The following NIN variants were observed in gnomAD, a reference collection of about 807,000 sequenced individuals.
NIN encodes glycogen synthase kinase 3 beta-interacting protein.
NIN carries 137 observed loss-of-function variants against 257.6 expected under a neutral mutation model. That is an observed-to-expected ratio of 0.53 (90% CI 0.46 to 0.61). The LOEUF (loss-of-function observed/expected upper bound fraction) is 0.61. Ranked by LOEUF, NIN falls within the 20% of genes least tolerant of loss-of-function variation. The pLI is 0.00. For missense variants in NIN, 2,439 were observed against 2,501.2 expected (o/e 0.98, Z 0.53); for synonymous variants, 918 against 919.8 (o/e 1.00, Z 0.04).
At chr14:50,791,332 G>T (rs2043580923) in intron 5 of NIN, among the ~76,000 whole-genome samples, 1 of 152,162 alleles carries the variant, frequency 6.6e-6, no homozygotes. Context: ...AATTCGCAAA[G>T]AGACCCAAGA....
chr14:50,800,001 TACACATACACACAC>T (rs750431258), intron 4 of NIN, among the ~76,000 whole-genome samples: 4 of 81,332 alleles, frequency 4.9e-5, no homozygotes, highest in Non-Finnish European at 5.2e-5. Context: ...ACAATATATA[TACACATACACACAC>T]ACACACACAC....
intron 5 of NIN, among the ~76,000 whole-genome samples, chr14:50,787,724 C>T (rs1321050735): frequency 2.0e-5 from 3 of 152,222 alleles, no homozygotes; most frequent in Admixed American, 1.3e-4. Flanking sequence ...GTCAAACACT[C>T]ATGGTAGCCT....
rs75599778 is a variant in NIN, at chr14:50,754,114, G to A, written c.4734+449C>T. 3.8e-3 allele frequency among the ~76,000 whole-genome samples: 574 copies of A among 152,298 alleles called. 7 individuals are homozygous for A. The highest frequency in any genetic ancestry group is 0.013 in the African/African-American group (539 of 41,560). On this transcript the variant is annotated intron_variant, in intron 20 of 30. Transcript: ENST00000530997. ...TGTAAGATTATACAAATTGAGCACT[G>A]AATGGCACCAGCTATCTGAATAAAA...
intron 2 of NIN, among the ~76,000 whole-genome samples, chr14:50,828,507 C>T (rs1180356684): frequency 1.3e-5 from 2 of 152,190 alleles, no homozygotes; most frequent in African/African-American, 4.8e-5. Context: ...GATGCAAGTT[C>T]AATAGCTAGA....
In NIN at chr14:50,721,346, T is replaced by A. The variant is rs2040266967; in HGVS notation, c.*2117A>T. 1 of 208,508 alleles carries A rather than the reference T, an allele frequency of 4.8e-6. No homozygotes were observed. The highest frequency in any genetic ancestry group is 9.8e-6 in the Non-Finnish European group (1 of 102,502). 12.9% of individuals were successfully genotyped at this position (208,508 alleles called of 1,614,324 possible). A position where few individuals can be genotyped will look rare whatever the true frequency, so the allele number is the denominator to read the frequency against. On this transcript the variant is annotated 3_prime_UTR_variant, in exon 31 of 31. Coordinates refer to ENST00000530997, the MANE Select transcript of NIN (RefSeq NM_020921.4). ...CACATAAATACAAATTTATAGGAAA[T>A]AAACAAATTAACCTACACCTCTCAT...
intron 2 of NIN, among the ~76,000 whole-genome samples, chr14:50,829,861 C>G (rs2045621219): frequency 6.6e-6 from 1 of 152,186 alleles, no homozygotes; most frequent in African/African-American, 2.4e-5. Context: ...GTCCTTCTGT[C>G]AGGGGCCGCT....
At chr14:50,779,359 A>G (rs2043038467) in intron 5 of NIN, among the ~76,000 whole-genome samples, 1 of 152,250 alleles carries the variant, frequency 6.6e-6, no homozygotes, top group Non-Finnish European at 1.5e-5. Context: ...AAGGAAGTTC[A>G]GGATGCTATG....
At chr14:50,756,038 A>AT (rs2042010941) in intron 18 of NIN, among the ~76,000 whole-genome samples, 1 of 151,792 alleles carries the variant, frequency 6.6e-6, no homozygotes, top group East Asian at 1.9e-4. Context: ...AAGACAGAAC[A>AT]TTTTTTCTAT....
intron 29 of NIN, chr14:50,727,861 TTAACAC>T: frequency 1.1e-6 from 1 of 872,874 alleles, no homozygotes; most frequent in Non-Finnish European, 1.7e-6. Flanking sequence ...AGCACACACA[TTAACAC>T]TACATAGGCA....
At chr14:50,736,656 C>A (rs965284308) in intron 27 of NIN, among the ~76,000 whole-genome samples, 1 of 152,182 alleles carries the variant, frequency 6.6e-6, no homozygotes, top group African/African-American at 2.4e-5. Context: ...AGACTTTTCT[C>A]CCCCTAATGA....
chr14:50,783,158 G>C (rs1327083936), intron 5 of NIN, among the ~76,000 whole-genome samples: 1 of 151,896 alleles, frequency 6.6e-6, no homozygotes, highest in Non-Finnish European at 1.5e-5. Flanking sequence ...ACGCTCAGGT[G>C]ATCCTCCGGC....
chr14:50,819,872 T>C (rs192776195), intron 3 of NIN, among the ~76,000 whole-genome samples: 2 of 152,356 alleles, frequency 1.3e-5, no homozygotes, highest in Admixed American at 6.5e-5. Flanking sequence ...AAACCACTTA[T>C]AATTTTACAA....
At position 50,721,790 on chromosome 14, in the gene NIN, C is replaced by A; in HGVS notation, c.*1673G>T. ...CTTCATCAGTGTGAACTCCCAGTCC[C>A]ACAAAAAACAGTGCCTTGTCAAGGC... is the stretch of plus-strand genomic sequence containing the variant. On this transcript the variant is annotated 3_prime_UTR_variant, in exon 31 of 31. Coordinates refer to ENST00000530997, the MANE Select transcript of NIN (RefSeq NM_020921.4). 4.5e-6 allele frequency: 1 copy of A among 223,722 alleles called. No individual in the cohort carries two copies. The highest frequency in any genetic ancestry group is 8.9e-6 in the Non-Finnish European group (1 of 112,028). 13.9% of individuals were successfully genotyped at this position (223,722 alleles called of 1,614,324 possible). A position where few individuals can be genotyped will look rare whatever the true frequency, so the allele number is the denominator to read the frequency against.
intron 3 of NIN, among the ~76,000 whole-genome samples, chr14:50,809,750 T>C (rs904452062): frequency 2.0e-5 from 3 of 152,242 alleles, no homozygotes; most frequent in Non-Finnish European, 4.4e-5. Context: ...TTAATTCTAA[T>C]TAACTTCCAA....
intron 14 of NIN, 27 bp downstream of exon 14, chr14:50,766,280 C>G: frequency 6.3e-7 from 1 of 1,583,608 alleles, no homozygotes; most frequent in Non-Finnish European, 8.7e-7. Flanking sequence ...CACTCCTGCA[C>G]TTACTCAGTT....
chr14:50,727,271 C>T, intron 29 of NIN: 1 of 973,548 alleles, frequency 1.0e-6, no homozygotes. Flanking sequence ...TCAAAAATTT[C>T]CTGTCAAAAA....
At chr14:50,825,076 T>C (rs1290002043) in intron 2 of NIN, among the ~76,000 whole-genome samples, 1 of 152,246 alleles carries the variant, frequency 6.6e-6, no homozygotes, top group African/African-American at 2.4e-5. Flanking sequence ...AATATCCATC[T>C]GGAAGGTTTG....
chr14:50,826,658 C>T (rs2045470238), intron 2 of NIN, among the ~76,000 whole-genome samples: 2 of 152,038 alleles, frequency 1.3e-5, no homozygotes, highest in Admixed American at 1.3e-4. Flanking sequence ...ACAATGACAC[C>T]CCAGCTAAAG....
intron 4 of NIN, chr14:50,806,051 T>G: frequency 6.6e-6 from 1 of 152,350 alleles, no homozygotes; most frequent in East Asian, 1.9e-4. Flanking sequence ...GAAATGAGAA[T>G]TTACAATTAA....
Sources: gnomAD v4.1 joint callset for allele counts (sites outside exome capture counted in the v4.1 genomes callset) on GRCh38, gnomAD v4.1.1 for gene constraint, MANE v1.5 for transcripts, NCBI Gene and HGNC (gene_info 2026-07-23, HGNC 2026-07-21) for gene names.